GBE1: variants seen among roughly 807,000 people sequenced by gnomAD.
GBE1 encodes 1,4-alpha-glucan-branching enzyme.
GBE1 carries 70 observed loss-of-function variants against 88.8 expected under a neutral mutation model. The observed-to-expected ratio is 0.79, with a 90% CI of 0.65 to 0.96. GBE1 has a LOEUF of 0.96. Ranked by LOEUF, GBE1 falls within the 40% of genes least tolerant of loss-of-function variation. The probability of loss-of-function intolerance (pLI) is 0.00; values close to 1 mark genes in which losing one functional copy is unlikely to be tolerated. For missense variants in GBE1, 872 were observed against 871.0 expected, an observed-to-expected ratio of 1.00 and a Z score of -0.01; for synonymous variants, 284 against 300.1, an observed-to-expected ratio of 0.95 and a Z score of 0.56.
At chr3:81,722,042 A>C (rs551017583) in intron 1 of GBE1, among the ~76,000 whole-genome samples, 2 of 152,310 alleles carry the variant, frequency 1.3e-5, no homozygotes, top group South Asian at 4.1e-4. Context: ...TAAAAACAGT[A>C]ATCATCATCA....
intron 1 of GBE1, among the ~76,000 whole-genome samples, chr3:81,712,829 A>G (rs954549320): frequency 4.6e-5 from 7 of 152,030 alleles, no homozygotes; most frequent in African/African-American, 1.7e-4. Flanking sequence ...TAAATAAAAA[A>G]GCTCTCCAAC....
At chr3:81,710,132 T>C (rs1016680908) in intron 1 of GBE1, among the ~76,000 whole-genome samples, 1 of 151,752 alleles carries the variant, frequency 6.6e-6, no homozygotes, top group South Asian at 2.1e-4. Context: ...CACACATCAT[T>C]AATCACAAAA....
intron 2 of GBE1, among the ~76,000 whole-genome samples, chr3:81,684,252 A>G (rs1320381598): frequency 6.6e-6 from 1 of 152,228 alleles, no homozygotes; most frequent in East Asian, 1.9e-4. Context: ...TATGACACGT[A>G]TACAACAATC....
At chr3:81,518,684 T>A (rs1254028331) in intron 14 of GBE1, among the ~76,000 whole-genome samples, 4 of 151,376 alleles carry the variant, frequency 2.6e-5, no homozygotes, top group African/African-American at 9.7e-5. Context: ...AAAGTATTAG[T>A]CATTTCAAAA....
At chr3:81,591,266 T>C (rs1477876395) in intron 8 of GBE1, 102 bp from the exon 9 acceptor site, 3 of 897,788 alleles carry the variant, frequency 3.3e-6, no homozygotes, top group East Asian at 2.8e-5. Context: ...AATTTTGTTA[T>C]TGTAGCAGTT....
At chr3:81,670,262 A>G (rs887851752) in intron 3 of GBE1, among the ~76,000 whole-genome samples, 12 of 152,180 alleles carry the variant, frequency 7.9e-5, no homozygotes, top group African/African-American at 2.7e-4. Context: ...ACGAAAGCAG[A>G]GGGAGTGTGG....
At chr3:81,605,736 C>T (rs1231713429) in intron 7 of GBE1, among the ~76,000 whole-genome samples, 2 of 152,000 alleles carry the variant, frequency 1.3e-5, no homozygotes, top group Non-Finnish European at 2.9e-5. Flanking sequence ...ATTTCGTGGC[C>T]ATGTAAGGTC....
At chr3:81,657,771 T>C (rs1225402662) in intron 3 of GBE1, among the ~76,000 whole-genome samples, 1 of 152,172 alleles carries the variant, frequency 6.6e-6, no homozygotes, top group Admixed American at 6.5e-5. Context: ...TAGAAATCTC[T>C]TTCTTTGCCT....
intron 14 of GBE1, among the ~76,000 whole-genome samples, chr3:81,532,361 G>A (rs1703021704): frequency 6.6e-6 from 1 of 151,904 alleles, no homozygotes; most frequent in Non-Finnish European, 1.5e-5. Context: ...GCTATCCTCA[G>A]GAATAATACC....
intron 14 of GBE1, among the ~76,000 whole-genome samples, chr3:81,513,657 T>C (rs1028503071): frequency 6.6e-6 from 1 of 151,620 alleles, no homozygotes; most frequent in Admixed American, 6.6e-5. Flanking sequence ...TTTATAAAAA[T>C]TCATTTTTAT....
In GBE1 at chr3:81,758,248, G is replaced by A. The variant is rs541763709; in HGVS notation, c.143+3127C>T. On this transcript the variant is annotated intron_variant, in intron 1 of 15. Transcript: ENST00000429644. ...TGTTATGAGGATTACATTAAATACC[G>A]GATCTGAAAGTACTTTATAAACATT... Among the ~76,000 whole-genome samples, 18 of 152,290 alleles carry A rather than the reference G, an allele frequency of 1.2e-4. No homozygotes were observed. The South Asian group carries it at 3.1e-3, about 26-fold the overall frequency.
At chr3:81,706,573 T>A (rs1705778241) in intron 1 of GBE1, among the ~76,000 whole-genome samples, 1 of 152,120 alleles carries the variant, frequency 6.6e-6, no homozygotes, top group Non-Finnish European at 1.5e-5. Context: ...CACCTCCCCA[T>A]ACCCTCAGGG....
chr3:81,537,417 G>T (rs926887781), intron 12 of GBE1, among the ~76,000 whole-genome samples: 1 of 151,944 alleles, frequency 6.6e-6, no homozygotes, highest in South Asian at 2.1e-4. Flanking sequence ...TAATCTCTGC[G>T]ATCTCAGAGT....
intron 2 of GBE1, among the ~76,000 whole-genome samples, chr3:81,682,311 A>T (rs535560210): frequency 6.6e-6 from 1 of 152,008 alleles, no homozygotes; most frequent in Non-Finnish European, 1.5e-5. Context: ...AAAAATAACA[A>T]ATTAGCTGGG....
intron 1 of GBE1, among the ~76,000 whole-genome samples, chr3:81,722,860 A>G (rs1425944068): frequency 2.7e-5 from 4 of 147,942 alleles, no homozygotes; most frequent in Non-Finnish European, 5.9e-5. Context: ...GCTCTAGGGT[A>G]TGTGCATGGG....
chr3:81,623,992 A>T (rs1178646475), intron 7 of GBE1, among the ~76,000 whole-genome samples: 14 of 152,114 alleles, frequency 9.2e-5, no homozygotes. Flanking sequence ...TTAATATAGG[A>T]TCTGTATTAG....
chr3:81,526,451 T>G (rs1702945674), intron 14 of GBE1, among the ~76,000 whole-genome samples: 1 of 152,110 alleles, frequency 6.6e-6, no homozygotes. Flanking sequence ...GCAGATGACA[T>G]GATTGTATAT....
At chr3:81,551,199 T>C (rs778111193) in intron 12 of GBE1, among the ~76,000 whole-genome samples, 5 of 152,236 alleles carry the variant, frequency 3.3e-5, no homozygotes, top group Non-Finnish European at 5.9e-5. Flanking sequence ...CTTAAGTGTA[T>C]CTGTGCATCA....
chr3:81,736,147 T>C (rs1706255114), intron 1 of GBE1, among the ~76,000 whole-genome samples: 1 of 152,136 alleles, frequency 6.6e-6, no homozygotes, highest in African/African-American at 2.4e-5. Context: ...ACAGGTCTGC[T>C]CCCCTCACCA....
Sources: gnomAD v4.1 joint callset for allele counts (sites outside exome capture counted in the v4.1 genomes callset) on GRCh38, gnomAD v4.1.1 for gene constraint, MANE v1.5 for transcripts, NCBI Gene and HGNC (gene_info 2026-07-23, HGNC 2026-07-21) for gene names.